C1QTNF3: variants seen among roughly 807,000 people sequenced by gnomAD.
C1QTNF3 encodes complement C1q tumor necrosis factor-related protein 3.
In C1QTNF3, 26 loss-of-function variants were observed where a neutral mutation model predicts 32.6. The observed-to-expected ratio is 0.80, with a 90% CI of 0.58 to 1.11. C1QTNF3 has a LOEUF of 1.11. Among genes scored for constraint, C1QTNF3 ranks in the 50% least tolerant of loss-of-function variants. The pLI, the probability that C1QTNF3 is intolerant of heterozygous loss-of-function variation, is 0.00. For synonymous variants in C1QTNF3, 155 were observed against 146.0 expected (o/e 1.06, Z -0.44); for missense variants, 362 against 398.2 (o/e 0.91, Z 0.77).
the C1QTNF3 span, among the ~76,000 whole-genome samples, chr5:34,177,197 T>A: frequency 5.3e-5 from 8 of 152,122 alleles, no homozygotes; most frequent in African/African-American, 1.4e-4. Context: ...AAAAAAAAAT[T>A]TTTTTAAATT....
the C1QTNF3 span, among the ~76,000 whole-genome samples, chr5:34,060,905 T>G: frequency 2.0e-5 from 3 of 152,112 alleles, no homozygotes; most frequent in Non-Finnish European, 4.4e-5. Flanking sequence ...AATCATGCCT[T>G]GCCAACAGTC....
At chr5:34,226,375 T>C in the C1QTNF3 span, among the ~76,000 whole-genome samples, 13 of 151,798 alleles carry the variant, frequency 8.6e-5, no homozygotes, top group East Asian at 1.9e-4. Flanking sequence ...GCCTTTCATT[T>C]AATGTGTGAT....
At chr5:34,200,491 T>A in the C1QTNF3 span, 1 of 152,146 alleles carries the variant, frequency 6.6e-6, no homozygotes, top group East Asian at 1.9e-4. Flanking sequence ...TTTTGCAGTA[T>A]CCCTTCTTAA....
chr5:34,164,083 G>GA, the C1QTNF3 span, among the ~76,000 whole-genome samples: 6 of 152,018 alleles, frequency 3.9e-5, no homozygotes, highest in Admixed American at 2.0e-4. Context: ...TATGAAATGT[G>GA]AAAAAAATAG....
intron 3 of C1QTNF3, among the ~76,000 whole-genome samples, chr5:34,029,235 C>T (rs569578081): frequency 1.1e-4 from 16 of 152,000 alleles, no homozygotes; most frequent in Non-Finnish European, 2.1e-4. Context: ...CCTGAGAAAC[C>T]CTATAGCCAA....
the C1QTNF3 span, among the ~76,000 whole-genome samples, chr5:34,105,137 A>G: frequency 6.6e-6 from 1 of 152,234 alleles, no homozygotes; most frequent in African/African-American, 2.4e-5. Context: ...TTTCAGAAGT[A>G]TGATGACATG....
chr5:34,147,521 G>C, the C1QTNF3 span, among the ~76,000 whole-genome samples: 1 of 152,064 alleles, frequency 6.6e-6, no homozygotes, highest in South Asian at 2.1e-4. Flanking sequence ...GCAGAAACAT[G>C]GTTGCAGCTG....
chr5:34,056,471 T>TAGAGAG, the C1QTNF3 span, among the ~76,000 whole-genome samples: 1 of 110,114 alleles, frequency 9.1e-6, no homozygotes, highest in Admixed American at 9.9e-5. Context: ...TATATATATA[T>TAGAGAG]ATATATATAG....
the C1QTNF3 span, among the ~76,000 whole-genome samples, chr5:34,076,279 T>C: frequency 2.0e-5 from 3 of 151,706 alleles, no homozygotes; most frequent in Non-Finnish European, 4.4e-5. Flanking sequence ...AGTTTTATTT[T>C]AGGTGTATTT....
the C1QTNF3 span, among the ~76,000 whole-genome samples, chr5:34,214,227 T>C: frequency 6.6e-6 from 1 of 152,052 alleles, no homozygotes; most frequent in African/African-American, 2.4e-5. Context: ...AAAACATATA[T>C]GAATGATTGA....
the C1QTNF3 span, among the ~76,000 whole-genome samples, chr5:34,243,921 G>A: frequency 2.0e-5 from 3 of 152,028 alleles, no homozygotes; most frequent in Non-Finnish European, 2.9e-5. Flanking sequence ...CACTATCTGT[G>A]TCTGAAAAAA....
chr5:34,236,142 T>C, the C1QTNF3 span, among the ~76,000 whole-genome samples: 2 of 152,202 alleles, frequency 1.3e-5, no homozygotes, highest in South Asian at 4.1e-4. Flanking sequence ...TTCCACTATT[T>C]TGACTTTAAT....
the C1QTNF3 span, among the ~76,000 whole-genome samples, chr5:34,225,324 A>T: frequency 6.6e-6 from 1 of 152,014 alleles, no homozygotes; most frequent in East Asian, 1.9e-4. Context: ...AATCTGCACT[A>T]ACATTGTTTT....
chr5:34,098,632 ACT>A, the C1QTNF3 span, among the ~76,000 whole-genome samples: 1 of 150,348 alleles, frequency 6.7e-6, no homozygotes, highest in African/African-American at 2.4e-5. Flanking sequence ...AGGATACAAA[ACT>A]CTCACAATCA....
At chr5:34,135,595 A>G in the C1QTNF3 span, among the ~76,000 whole-genome samples, 1 of 151,874 alleles carries the variant, frequency 6.6e-6, no homozygotes, top group Non-Finnish European at 1.5e-5. Flanking sequence ...GACTTTCTTC[A>G]CAGGATTGGA....
Position 34,033,306 on chromosome 5 carries a change from GA to G in C1QTNF3, c.567del (p.Gln190ArgfsTer35). 1 of 1,613,646 alleles carries G rather than the reference GA, an allele frequency of 6.2e-7. No homozygotes were observed. Among genetic ancestry groups the G allele is most frequent in the Non-Finnish European group, 8.5e-7 (1 of 1,179,864 alleles). Reference protein sequence around the residue: ...EKGYPGIPPELQIAFMASLAT... With the variant: ...EKGYPGIPPEXQIAFMASLAT... The stretch of plus-strand genomic sequence containing the variant: ...GAGATGTACCGAGGATGGTTTACCT[GA>G]AGTTCTGGTGGAATCCCCGGGTAGC... On this transcript the variant is annotated frameshift_variant, in exon 3 of 6. Coordinates refer to ENST00000382065, the MANE Select transcript of C1QTNF3 (RefSeq NM_181435.6). LOFTEE classifies it high-confidence loss of function.
the C1QTNF3 span, among the ~76,000 whole-genome samples, chr5:34,083,227 A>C: frequency 1.3e-5 from 2 of 151,552 alleles, no homozygotes; most frequent in Non-Finnish European, 2.9e-5. Context: ...TGAATATTTA[A>C]AGTGTTTCCT....
At chr5:34,117,953 GAA>G in the C1QTNF3 span, among the ~76,000 whole-genome samples, 2 of 151,876 alleles carry the variant, frequency 1.3e-5, no homozygotes, top group Non-Finnish European at 2.9e-5. Flanking sequence ...AATCAACTAT[GAA>G]AAAAGAGTAG....
rs926633794 is a variant in C1QTNF3 at position 34,019,051 on chromosome 5, C to T, written c.*1532G>A. Reference sequence around the variant, plus strand: ...GCTGAGGTAGGAGAGTCACTTGAACCCAGGAGGCGGAGGCTGCGGTGAGCT... The same window carrying T: ...GCTGAGGTAGGAGAGTCACTTGAACTCAGGAGGCGGAGGCTGCGGTGAGCT... On this transcript the variant is annotated 3_prime_UTR_variant, in exon 6 of 6. Transcript: ENST00000382065. Among the ~76,000 whole-genome samples the T allele has an allele frequency of 1.3e-5, 2 of 152,026 alleles. No individual in the cohort carries two copies. Among genetic ancestry groups the T allele is most frequent in the African/African-American group, 2.4e-5 (1 of 41,366 alleles).
Sources: gnomAD v4.1 joint callset for allele counts (sites outside exome capture counted in the v4.1 genomes callset) on GRCh38, gnomAD v4.1.1 for gene constraint, MANE v1.5 for transcripts, NCBI Gene and HGNC (gene_info 2026-07-23, HGNC 2026-07-21) for gene names.